The following ROBO2 variants were observed in gnomAD, a reference collection of about 807,000 sequenced individuals.
The protein encoded by ROBO2 is roundabout guidance receptor 2.
ROBO2 carries 53 observed loss-of-function variants against 160.8 expected under a neutral mutation model. The ratio of observed to expected loss-of-function variants is 0.33; its 90% CI spans 0.26 to 0.41. The LOEUF is 0.41. ROBO2 is among the 10% of genes least tolerant of loss of function. The probability of loss-of-function intolerance (pLI) is 1.00; values close to 1 mark genes in which losing one functional copy is unlikely to be tolerated. For missense variants in ROBO2, 1,577 were observed against 1,722.4 expected, an observed-to-expected ratio of 0.92 and a Z score of 1.49; for synonymous variants, 664 against 611.7, an observed-to-expected ratio of 1.09 and a Z score of -1.26.
Position 76,489,084 on chromosome 3 carries a change from C to CAAAA in ROBO2, c.109+551510_109+551513dup, listed in dbSNP as rs67454494. On this transcript the variant is annotated intron_variant, in intron 2 of 26. Transcript: ENST00000487694. ...TGGGTGACAGAGTGAGACTCTGTCT[C>CAAAA]AAAAAAAAAAAAAAAAAAAAAAAAA... Among the ~76,000 whole-genome samples, 130 of 60,138 alleles carry CAAAA rather than the reference C, an allele frequency of 2.2e-3. 2 individuals carry two copies. The highest frequency in any genetic ancestry group is 3.0e-3 in the Admixed American group (13 of 4,362). 39.5% of individuals were successfully genotyped at this position (60,138 alleles called of 152,430 possible).
chr3:77,036,116 T>C (rs755572992), upstream of ROBO2, among the ~76,000 whole-genome samples: 4 of 151,954 alleles, frequency 2.6e-5, no homozygotes, highest in Non-Finnish European at 5.9e-5. Flanking sequence ...GACTTTGTAT[T>C]CAGGTCTGGA....
intron 2 of ROBO2, among the ~76,000 whole-genome samples, chr3:77,323,610 A>G (rs780780215): frequency 6.6e-5 from 10 of 152,136 alleles, no homozygotes; most frequent in Non-Finnish European, 1.3e-4. Flanking sequence ...CTAAACCAAT[A>G]TTTGATAAAT....
At chr3:77,051,538 C>T (rs1054066673) in intron 1 of ROBO2, among the ~76,000 whole-genome samples, 16 of 152,214 alleles carry the variant, frequency 1.1e-4, no homozygotes, top group Admixed American at 3.9e-4. Flanking sequence ...ATTTTTGAGG[C>T]TCTCAGTAAA....
intron 2 of ROBO2, among the ~76,000 whole-genome samples, chr3:77,127,465 C>T (rs996616416): frequency 3.4e-4 from 52 of 152,090 alleles, no homozygotes; most frequent in African/African-American, 1.2e-3. Flanking sequence ...TTATTTTTCA[C>T]CATGAATTCT....
intron 5 of ROBO2, among the ~76,000 whole-genome samples, chr3:77,503,734 A>C (rs543464429): frequency 6.6e-6 from 1 of 151,822 alleles, no homozygotes; most frequent in African/African-American, 2.4e-5. Context: ...TCTACCCAAT[A>C]AATATTTTTT....
chr3:77,040,839 G>A, exon 1 of ROBO2: 1 of 1,614,042 alleles, frequency 6.2e-7, no homozygotes, highest in Non-Finnish European at 8.5e-7. Context: ...TATATGTTCG[G>A]GTTGATGGTA....
chr3:76,430,495 C>T (rs1011902995), intron 2 of ROBO2, among the ~76,000 whole-genome samples: 2 of 151,802 alleles, frequency 1.3e-5, no homozygotes, highest in Non-Finnish European at 2.9e-5. Context: ...TTTTTATTTT[C>T]TTCTATTTTT....
chr3:76,812,934 T>A (rs1037251148), intron 2 of ROBO2, among the ~76,000 whole-genome samples: 64 of 149,046 alleles, frequency 4.3e-4, no homozygotes, highest in Middle Eastern at 3.4e-3. Context: ...TTTTTTTTTT[T>A]TAGCAAATCT....
intron 2 of ROBO2, among the ~76,000 whole-genome samples, chr3:75,996,802 G>A (rs1203396042): frequency 6.7e-6 from 1 of 148,952 alleles, no homozygotes; most frequent in African/African-American, 2.5e-5. Flanking sequence ...TCTGATATAT[G>A]TAAATCATCA....
At chr3:76,238,061 T>C (rs141063729) in intron 2 of ROBO2, among the ~76,000 whole-genome samples, 3,591 of 152,268 alleles carry the variant, frequency 0.024, 64 homozygotes, top group South Asian at 0.078. Flanking sequence ...ATGGGTACTA[T>C]GGCAAAAAGG....
At chr3:76,090,370 T>C (rs2108088211) in intron 2 of ROBO2, among the ~76,000 whole-genome samples, 1 of 151,994 alleles carries the variant, frequency 6.6e-6, no homozygotes. Flanking sequence ...TGAGAATAGA[T>C]CCGGGAGATC....
intron 2 of ROBO2, among the ~76,000 whole-genome samples, chr3:77,148,448 C>T (rs561181767): frequency 1.3e-5 from 2 of 152,212 alleles, no homozygotes; most frequent in African/African-American, 2.4e-5. Context: ...CTTCACTCAA[C>T]GCTTAAGAGG....
At chr3:77,334,520 T>C (rs987358441) in intron 2 of ROBO2, among the ~76,000 whole-genome samples, 1 of 152,216 alleles carries the variant, frequency 6.6e-6, no homozygotes, top group African/African-American at 2.4e-5. Context: ...AACACTGCTT[T>C]CATTCATTCA....
chr3:76,045,424 G>A lies in ROBO2; in HGVS notation c.109+107822G>A, dbSNP rs545262464. On this transcript the variant is annotated intron_variant, in intron 2 of 26. Coordinates refer to the ROBO2 transcript ENST00000487694. ...CCAGGCAGATTGAGAGCAAAAATGA[G>A]TGAGGCCAGACCAGATCTGAAACAC... 3.3e-5 allele frequency among the ~76,000 whole-genome samples: 5 copies of A among 152,142 alleles called. No homozygotes were observed. In the South Asian group the frequency reaches 1.0e-3, roughly 32 times the overall value.
At chr3:77,474,992 A>C (rs965228581) in intron 2 of ROBO2, among the ~76,000 whole-genome samples, 9 of 152,172 alleles carry the variant, frequency 5.9e-5, no homozygotes, top group Non-Finnish European at 1.0e-4. Context: ...AAGAGTAAAA[A>C]TGATTTTACT....
intron 2 of ROBO2, among the ~76,000 whole-genome samples, chr3:76,918,134 C>T (rs1166998): frequency 0.43 from 64,779 of 152,056 alleles, 13,868 homozygotes; most frequent in South Asian, 0.49. Flanking sequence ...TTTGATAGGG[C>T]TTGGCTGTAT....
intron 2 of ROBO2, among the ~76,000 whole-genome samples, chr3:76,072,897 G>C (rs1048763071): frequency 1.3e-5 from 2 of 152,132 alleles, no homozygotes; most frequent in Non-Finnish European, 2.9e-5. Context: ...TCAGACCTCT[G>C]TTTCCTCATT....
chr3:75,985,335 C>T (rs1393134824), intron 2 of ROBO2, among the ~76,000 whole-genome samples: 1 of 151,414 alleles, frequency 6.6e-6, no homozygotes, highest in Non-Finnish European at 1.5e-5. Flanking sequence ...TAAAGTAGAC[C>T]ATGCATCACT....
chr3:76,785,612 T>C (rs2062923836), intron 2 of ROBO2, among the ~76,000 whole-genome samples: 1 of 151,240 alleles, frequency 6.6e-6, no homozygotes, highest in African/African-American at 2.4e-5. Context: ...CTACTGCAAT[T>C]GTTCTAGAAG....
Sources: allele counts gnomAD v4.1 joint callset (sites outside exome capture counted in the v4.1 genomes callset), GRCh38; gene constraint gnomAD v4.1.1; transcripts MANE v1.5; gene names NCBI Gene and HGNC (gene_info 2026-07-23, HGNC 2026-07-21).